Variants in M1AP observed in about 807,000 individuals in gnomAD.
M1AP encodes the protein meiosis 1 arrest protein.
A neutral mutation model predicts 51.2 loss-of-function variants in M1AP; 39 were observed. The observed-to-expected ratio is 0.76, with a 90% CI of 0.59 to 1.00. The LOEUF is 1.00. M1AP is among the 50% of genes least tolerant of loss of function. The probability of loss-of-function intolerance (pLI) is 0.00; values close to 1 mark genes in which losing one functional copy is unlikely to be tolerated. For synonymous variants in M1AP, 251 were observed against 249.2 expected (o/e 1.01, Z -0.07); for missense variants, 545 against 641.2 (o/e 0.85, Z 1.62).
intron 4 of M1AP, among the ~76,000 whole-genome samples, chr2:74,596,323 C>T (rs1283109164): frequency 6.6e-6 from 1 of 152,180 alleles, no homozygotes; most frequent in East Asian, 1.9e-4. Context: ...TGGCTCACGC[C>T]TGTTATCCCA....
At chr2:74,588,392 A>G (rs1679843060) in intron 4 of M1AP, among the ~76,000 whole-genome samples, 1 of 152,240 alleles carries the variant, frequency 6.6e-6, no homozygotes, top group African/African-American at 2.4e-5. Flanking sequence ...GTTGGTTTAC[A>G]ATTAGCTGTC....
intron 2 of M1AP, among the ~76,000 whole-genome samples, chr2:74,636,402 A>G (rs1436392006): frequency 6.6e-6 from 1 of 151,648 alleles, no homozygotes; most frequent in East Asian, 1.9e-4. Flanking sequence ...TAAAAAATCA[A>G]CTCTGCCAAG....
intron 2 of M1AP, among the ~76,000 whole-genome samples, chr2:74,627,846 C>T (rs1682489181): frequency 6.6e-6 from 1 of 152,130 alleles, no homozygotes; most frequent in Admixed American, 6.5e-5. Flanking sequence ...ACAATTATTT[C>T]TCATTTATAC....
Position 74,560,168 on chromosome 2 carries a change from T to C in M1AP, c.1405A>G (p.Ser469Gly). 6.2e-7 allele frequency: 1 copy of C among 1,613,580 alleles called. No homozygotes were observed. Among genetic ancestry groups the C allele is most frequent in the Non-Finnish European group, 8.5e-7 (1 of 1,179,882 alleles). ...AGCGGTACCTTTCTCGGAGCTCGGCTCTCCCAGTGTGGGTGGAGCCGCCCC... is the reference window on the plus strand; with the variant it reads ...AGCGGTACCTTTCTCGGAGCTCGGCCCTCCCAGTGTGGGTGGAGCCGCCCC... The part of the protein sequence containing the change: ...PQGRLHPHWE[S>G]RAPRKHPCKT... Residue 469 changes from serine (S) to glycine (G), a missense_variant, in exon 9 of 11, where the codon AGC (serine) becomes GGC (glycine). Coordinates refer to ENST00000421985, the MANE Select transcript of M1AP (RefSeq NM_001321739.2).
intron 4 of M1AP, among the ~76,000 whole-genome samples, chr2:74,606,601 C>CAT (rs147796011): frequency 0.014 from 2,088 of 148,138 alleles, 56 homozygotes; most frequent in African/African-American, 0.045. Flanking sequence ...TGTGTGTGTG[C>CAT]ATATATATAT....
rs140339820 is a variant in M1AP at position 74,615,117 on chromosome 2, G to C, written c.273C>G (p.Thr91=). 2.5e-6 allele frequency: 4 copies of C among 1,614,162 alleles called. No homozygotes were observed. Among genetic ancestry groups the C allele is most frequent in the Non-Finnish European group, 3.4e-6 (4 of 1,180,018 alleles). The change falls in exon 3 of 11, where the codon ACC becomes ACG. Residue 91 remains threonine (T), a synonymous_variant. Coordinates refer to ENST00000421985, the MANE Select transcript of M1AP (RefSeq NM_001321739.2). The part of the protein sequence containing the change: ...QVKGNFARLQ[T]CISELRMLQR... ...GTAACATGCGGAGTTCTGAGATGCA[G>C]GTCTGCAACCTAGCAAAGTTCCCTT... is the stretch of plus-strand genomic sequence containing the variant.
chr2:74,559,056 C>T (rs376486083), intron 10 of M1AP, among the ~76,000 whole-genome samples, 182 bp from the exon 11 acceptor site: 1 of 152,256 alleles, frequency 6.6e-6, no homozygotes, highest in East Asian at 1.9e-4. Flanking sequence ...TGTCTCCTTG[C>T]CTGGTGTCCT....
At chr2:74,585,832 T>C (rs1226749841) in intron 4 of M1AP, among the ~76,000 whole-genome samples, 1 of 152,266 alleles carries the variant, frequency 6.6e-6, no homozygotes, top group Admixed American at 6.5e-5. Context: ...TCCCTGATTA[T>C]GGCAGTAGCT....
chr2:74,587,461 GT>G (rs1679780342), intron 4 of M1AP, among the ~76,000 whole-genome samples: 6 of 152,174 alleles, frequency 3.9e-5, no homozygotes, highest in Admixed American at 3.9e-4. Flanking sequence ...GCCTCCCAGA[GT>G]GCTGGGATTA....
chr2:74,560,365 G>A (rs1338680237), intron 8 of M1AP, 74 bp from the exon 9 acceptor site: 2 of 1,452,078 alleles, frequency 1.4e-6, no homozygotes, highest in East Asian at 4.6e-5. Context: ...TAGCGATCCA[G>A]GAGTGTGAGG....
chr2:74,639,307 A>G (rs1430006914), intron 2 of M1AP, among the ~76,000 whole-genome samples: 2 of 152,256 alleles, frequency 1.3e-5, no homozygotes, highest in African/African-American at 4.8e-5. Flanking sequence ...GAAATCTTAA[A>G]TAAGACTTAT....
chr2:74,614,925 G>A (rs777806107), intron 3 of M1AP, 39 bp downstream of exon 3: 47 of 1,574,988 alleles, frequency 3.0e-5, no homozygotes, highest in Non-Finnish European at 3.5e-5. Flanking sequence ...GACTGAAATC[G>A]GAACACAGCT....
chr2:74,615,207 T>A, intron 2 of M1AP, 58 bp from the exon 3 acceptor site: 1 of 1,446,282 alleles, frequency 6.9e-7, no homozygotes, highest in Non-Finnish European at 9.7e-7. Flanking sequence ...TCAGATTAAT[T>A]GGCAGTCTAA....
At chr2:74,626,495 G>A (rs1180133734) in intron 2 of M1AP, among the ~76,000 whole-genome samples, 1 of 152,118 alleles carries the variant, frequency 6.6e-6, no homozygotes, top group Admixed American at 6.5e-5. Context: ...CTGGCCTCAA[G>A]CAATCCTCCC....
At chr2:74,604,981 G>A (rs973779538) in intron 4 of M1AP, among the ~76,000 whole-genome samples, 3 of 151,962 alleles carry the variant, frequency 2.0e-5, no homozygotes, top group Non-Finnish European at 2.9e-5. Context: ...AGGCCGAGGC[G>A]GGTGGATCAC....
intron 3 of M1AP, among the ~76,000 whole-genome samples, chr2:74,611,184 G>A (rs547707967): frequency 1.3e-5 from 2 of 152,256 alleles, no homozygotes; most frequent in Non-Finnish European, 2.9e-5. Context: ...GGGTAATGCT[G>A]CCCTTGTAGA....
intron 7 of M1AP, 111 bp from the exon 8 acceptor site, chr2:74,562,534 G>A (rs1678095180): frequency 8.5e-7 from 1 of 1,181,430 alleles, no homozygotes; most frequent in South Asian, 1.5e-5. Context: ...GGAGGGCAGA[G>A]CCATTTAACT....
intron 8 of M1AP, among the ~76,000 whole-genome samples, chr2:74,560,734 A>G (rs551330230): frequency 6.6e-6 from 1 of 152,276 alleles, no homozygotes; most frequent in South Asian, 2.1e-4. Flanking sequence ...GAGGGGATAC[A>G]GGAGCACAAC....
intron 2 of M1AP, among the ~76,000 whole-genome samples, chr2:74,632,674 G>A (rs1558695604): frequency 1.3e-5 from 2 of 152,148 alleles, no homozygotes. Flanking sequence ...ACTTTCTCCA[G>A]TTTAGATTCT....
Sources: gnomAD v4.1 joint callset for allele counts (sites outside exome capture counted in the v4.1 genomes callset) on GRCh38, gnomAD v4.1.1 for gene constraint, MANE v1.5 for transcripts, NCBI Gene and HGNC (gene_info 2026-07-23, HGNC 2026-07-21) for gene names.